Variants in ALK observed in about 807,000 individuals in gnomAD.
ALK encodes ALK receptor tyrosine kinase.
Under a neutral mutation model 163.1 loss-of-function variants are expected in ALK, and 74 were observed. The observed-to-expected ratio is 0.45, with a 90% confidence interval of 0.38 to 0.55. ALK has a LOEUF of 0.55. Ranked by LOEUF, ALK falls within the 20% of genes least tolerant of loss-of-function variation. The pLI is 0.00. For synonymous variants in ALK, 960 were observed against 843.2 expected (o/e 1.14, Z -2.40); for missense variants, 2,063 against 2,105.3 (o/e 0.98, Z 0.39).
At chr2:29,254,301 C>CTA (rs1442212670) in intron 11 of ALK, among the ~76,000 whole-genome samples, 3 of 112,734 alleles carry the variant, frequency 2.7e-5, no homozygotes, top group African/African-American at 7.8e-5. Context: ...TTCTCTCTCT[C>CTA]TCTCTATATA....
chr2:29,692,629 A>G (rs928789010), intron 3 of ALK, among the ~76,000 whole-genome samples: 5 of 152,354 alleles, frequency 3.3e-5, no homozygotes, highest in African/African-American at 1.2e-4. Flanking sequence ...AGCTGATCTG[A>G]CAGGAGGCGG....
At chr2:29,916,296 T>TCC (rs1667831683) in intron 1 of ALK, among the ~76,000 whole-genome samples, 2 of 152,242 alleles carry the variant, frequency 1.3e-5, no homozygotes, top group Non-Finnish European at 2.9e-5. Flanking sequence ...CCACGCTAAA[T>TCC]AACTCCTCTC....
intron 5 of ALK, among the ~76,000 whole-genome samples, chr2:29,332,285 CAAAAAAAAAAAAAAAAAAAAAA>C (rs57598066): frequency 2.7e-4 from 5 of 18,354 alleles, no homozygotes; most frequent in South Asian, 4.1e-3. Context: ...GACTCCATCT[CAAAAAAAAAAAAAAAAAAAAAA>C]AAAAAAAAAA....
At chr2:29,844,298 G>A (rs1208196946) in intron 1 of ALK, among the ~76,000 whole-genome samples, 1 of 152,196 alleles carries the variant, frequency 6.6e-6, no homozygotes, top group Admixed American at 6.5e-5. Flanking sequence ...AGCAGCAGAT[G>A]GGGGCAGAGA....
At position 29,888,504 on chromosome 2, in the gene ALK, C is replaced by T. The variant is rs968966360; in HGVS notation, c.667+31489G>A. 1.3e-5 allele frequency among the ~76,000 whole-genome samples: 2 copies of T among 152,184 alleles called. 1 individual carries two copies. The highest frequency in any genetic ancestry group is 4.2e-4 in the South Asian group (2 of 4,812). ...CCATCGAAACAAGTGCAGATTTTGC[C>T]CTGTGTAGAATTTCCACTGGGGTGG... On this transcript the variant is annotated intron_variant, in intron 1 of 28. Coordinates refer to ENST00000389048, the MANE Select transcript of ALK (RefSeq NM_004304.5).
chr2:29,676,771 A>G (rs1421645619), intron 3 of ALK, among the ~76,000 whole-genome samples: 4 of 152,042 alleles, frequency 2.6e-5, no homozygotes, highest in Admixed American at 2.6e-4. Flanking sequence ...CAATTCCAAA[A>G]TGTAATGTCT....
chr2:29,787,815 CA>C (rs1664077913), intron 1 of ALK, among the ~76,000 whole-genome samples: 1 of 152,202 alleles, frequency 6.6e-6, no homozygotes, highest in African/African-American at 2.4e-5. Flanking sequence ...ACCTACATCC[CA>C]ACCAAATGTC....
chr2:29,685,636 G>A (rs1374798625), intron 3 of ALK, among the ~76,000 whole-genome samples: 1 of 151,934 alleles, frequency 6.6e-6, no homozygotes, highest in African/African-American at 2.4e-5. Flanking sequence ...GTAAGCCCTG[G>A]CCCTGGCCCT....
chr2:29,707,443 A>G (rs1678945106), intron 2 of ALK, among the ~76,000 whole-genome samples: 1 of 152,132 alleles, frequency 6.6e-6, no homozygotes, highest in African/African-American at 2.4e-5. Context: ...GGAAAACAGA[A>G]CAAGGGAGGC....
At chr2:29,479,352 T>C (rs951801570) in intron 4 of ALK, among the ~76,000 whole-genome samples, 2 of 152,162 alleles carry the variant, frequency 1.3e-5, no homozygotes, top group African/African-American at 4.8e-5. Context: ...ACCTAGGAGG[T>C]AGCTAACAAG....
At chr2:29,737,066 T>C (rs1679912377) in intron 1 of ALK, among the ~76,000 whole-genome samples, 2 of 152,100 alleles carry the variant, frequency 1.3e-5, no homozygotes, top group South Asian at 4.1e-4. Flanking sequence ...AATAAAATCT[T>C]ATCCAGTAAA....
At chr2:29,530,202 T>C (rs1275891705) in intron 4 of ALK, among the ~76,000 whole-genome samples, 1 of 152,074 alleles carries the variant, frequency 6.6e-6, no homozygotes, top group East Asian at 1.9e-4. Context: ...TTCCTCTCTC[T>C]GCCTCAGTTT....
chr2:29,714,516 C>T (rs542972167), intron 2 of ALK, among the ~76,000 whole-genome samples: 1 of 152,250 alleles, frequency 6.6e-6, no homozygotes, highest in East Asian at 1.9e-4. Context: ...CAGAACTGGA[C>T]AGCTCACCCA....
intron 1 of ALK, among the ~76,000 whole-genome samples, chr2:29,919,065 C>G (rs1667912522): frequency 6.6e-6 from 1 of 152,140 alleles, no homozygotes; most frequent in Non-Finnish European, 1.5e-5. Context: ...CACACACACC[C>G]CCAACTCAGT....
intron 11 of ALK, among the ~76,000 whole-genome samples, chr2:29,252,830 TA>T (rs1336219206): frequency 0.031 from 4,654 of 151,584 alleles, 250 homozygotes; most frequent in African/African-American, 0.11. Flanking sequence ...CCTGATTTTT[TA>T]TTTATTTTTT....
chr2:29,253,756 G>C (rs1015679846), intron 11 of ALK, among the ~76,000 whole-genome samples: 2 of 152,136 alleles, frequency 1.3e-5, no homozygotes, highest in Admixed American at 6.5e-5. Flanking sequence ...GCCTGGGTGT[G>C]GGGGTGGCCT....
At chr2:29,705,283 A>ATCTCTC (rs34226432) in intron 2 of ALK, among the ~76,000 whole-genome samples, 1 of 50,854 alleles carries the variant, frequency 2.0e-5, no homozygotes, top group African/African-American at 4.9e-5. Context: ...ATATATATAA[A>ATCTCTC]TATATATCTG....
chr2:29,703,876 T>G (rs1220783643), intron 2 of ALK, among the ~76,000 whole-genome samples: 11 of 152,138 alleles, frequency 7.2e-5, no homozygotes, highest in Non-Finnish European at 2.9e-5. Flanking sequence ...CGCCACTGAT[T>G]AATGAGTCCT....
intron 5 of ALK, among the ~76,000 whole-genome samples, chr2:29,351,046 C>A (rs1338109504): frequency 1.3e-5 from 2 of 152,120 alleles, no homozygotes; most frequent in African/African-American, 2.4e-5. Context: ...CTCTGAGAAA[C>A]CCTGGACTGG....
Sources: allele counts gnomAD v4.1 joint callset (sites outside exome capture counted in the v4.1 genomes callset), GRCh38; gene constraint gnomAD v4.1.1; transcripts MANE v1.5; gene names NCBI Gene and HGNC (gene_info 2026-07-23, HGNC 2026-07-21).